The following DSE variants were observed in gnomAD, a reference collection of about 807,000 sequenced individuals.
DSE encodes the protein dermatan sulfate epimerase, also known as dermatan-sulfate epimerase.
A neutral mutation model predicts 84.4 loss-of-function variants in DSE; 36 were observed. That is an observed-to-expected ratio of 0.43 (90% CI 0.33 to 0.56). DSE has a LOEUF of 0.56. Ranked by LOEUF, DSE falls within the 20% of genes least tolerant of loss-of-function variation. DSE has a pLI of 0.06. For synonymous variants in DSE, 410 were observed against 430.1 expected, an observed-to-expected ratio of 0.95 and a Z score of 0.58; for missense variants, 862 against 1,169.6, an observed-to-expected ratio of 0.74 and a Z score of 3.84.
intron 2 of DSE, among the ~76,000 whole-genome samples, chr6:116,343,365 C>A (rs954770631): frequency 1.3e-5 from 2 of 152,196 alleles, no homozygotes. Flanking sequence ...GTCCCTGACC[C>A]CCAAGTAGCC....
At chr6:116,326,889 C>T (rs1481784358) in intron 2 of DSE, among the ~76,000 whole-genome samples, 1 of 152,034 alleles carries the variant, frequency 6.6e-6, no homozygotes, top group Non-Finnish European at 1.5e-5. Flanking sequence ...GAGGGAATGC[C>T]TAAGTTAAAA....
At chr6:116,268,097 A>G (rs1022532329) in intron 2 of DSE, among the ~76,000 whole-genome samples, 4 of 152,196 alleles carry the variant, frequency 2.6e-5, no homozygotes, top group Non-Finnish European at 5.9e-5. Context: ...CCACTCACTC[A>G]CTGACTCACC....
intron 2 of DSE, among the ~76,000 whole-genome samples, chr6:116,409,087 T>A (rs1283018123): frequency 6.6e-6 from 1 of 152,166 alleles, no homozygotes; most frequent in African/African-American, 2.4e-5. Context: ...GGGATATATA[T>A]GATATATACT....
At chr6:116,390,978 G>T (rs769237020) in intron 1 of DSE, among the ~76,000 whole-genome samples, 1 of 152,180 alleles carries the variant, frequency 6.6e-6, no homozygotes, top group African/African-American at 2.4e-5. Flanking sequence ...ACTAAATTAT[G>T]AATTTAGTTA....
At chr6:116,379,382 GAACATTGA>G (rs1351861332) in intron 1 of DSE, among the ~76,000 whole-genome samples, 2 of 152,102 alleles carry the variant, frequency 1.3e-5, no homozygotes, top group Non-Finnish European at 2.9e-5. Flanking sequence ...TGATTCTTGG[GAACATTGA>G]AAACCTCCAA....
chr6:116,294,318 T>C (rs777728928), intron 2 of DSE, among the ~76,000 whole-genome samples: 2 of 152,186 alleles, frequency 1.3e-5, no homozygotes, highest in Non-Finnish European at 2.9e-5. Context: ...CCACTGTGCC[T>C]GGCCAAAAAT....
intron 2 of DSE, chr6:116,259,059 G>A (rs1343351033): frequency 1.9e-6 from 3 of 1,551,098 alleles, no homozygotes; most frequent in African/African-American, 2.7e-5. Flanking sequence ...ACTTCCCAAA[G>A]AGCTTGATGT....
At chr6:116,287,846 C>T (rs1774021209) in intron 2 of DSE, among the ~76,000 whole-genome samples, 1 of 152,078 alleles carries the variant, frequency 6.6e-6, no homozygotes, top group Non-Finnish European at 1.5e-5. Context: ...TTAAATACTG[C>T]TAGGCATGTC....
intron 2 of DSE, among the ~76,000 whole-genome samples, chr6:116,351,524 T>G (rs1257264539): frequency 6.6e-6 from 1 of 152,216 alleles, no homozygotes; most frequent in Non-Finnish European, 1.5e-5. Context: ...ATATCACAAC[T>G]ACATTCTATT....
At chr6:116,347,863 C>T (rs569969433) in intron 2 of DSE, among the ~76,000 whole-genome samples, 1 of 152,306 alleles carries the variant, frequency 6.6e-6, no homozygotes, top group East Asian at 1.9e-4. Flanking sequence ...AGGCAACCTA[C>T]ACAATGGGAG....
chr6:116,361,535 A>AC (rs1379148196), intron 2 of DSE, among the ~76,000 whole-genome samples: 3 of 152,168 alleles, frequency 2.0e-5, no homozygotes, highest in African/African-American at 7.2e-5. Flanking sequence ...GCACATCTAC[A>AC]GTCCCAGCTG....
intron 2 of DSE, among the ~76,000 whole-genome samples, chr6:116,289,331 ATTTG>A (rs992037276): frequency 7.2e-5 from 11 of 152,166 alleles, no homozygotes; most frequent in Middle Eastern, 3.4e-3. Flanking sequence ...AATCATAGTG[ATTTG>A]TTTGTTACTA....
chr6:116,322,247 G>A (rs141693876), intron 2 of DSE, among the ~76,000 whole-genome samples: 1 of 152,136 alleles, frequency 6.6e-6, no homozygotes, highest in Admixed American at 6.5e-5. Flanking sequence ...TTAGGTCGGG[G>A]TCGATCTTTA....
Position 116,429,967 on chromosome 6 carries a change from A to AG in DSE, c.671-987_671-986insG, listed in dbSNP as rs1783714724. On this transcript the variant is annotated intron_variant, in intron 3 of 5. Coordinates refer to ENST00000644252, the MANE Select transcript of DSE (RefSeq NM_013352.4). Reference sequence around the variant, plus strand: ...ACTCCGTCTCAAAAAAAAAAAAAAAAAAAGAAATATGAGGAGTTGTTATTG... The same window carrying AG: ...ACTCCGTCTCAAAAAAAAAAAAAAAAGAAAGAAATATGAGGAGTTGTTATTG... Among the ~76,000 whole-genome samples, 4 of 14,072 alleles carry AG rather than the reference A, an allele frequency of 2.8e-4. 2 individuals carry two copies. Among genetic ancestry groups the AG allele is most frequent in the South Asian group, 1.7e-3 (2 of 1,208 alleles). 9.2% of individuals were successfully genotyped at this position (14,072 alleles called of 152,430 possible). A position where few individuals can be genotyped will look rare whatever the true frequency, so the allele number is the denominator to read the frequency against.
chr6:116,298,899 A>G (rs1774824804), intron 2 of DSE, among the ~76,000 whole-genome samples: 1 of 152,180 alleles, frequency 6.6e-6, no homozygotes, highest in Admixed American at 6.6e-5. Context: ...TAACTCCTAA[A>G]TAAAAAATCG....
At chr6:116,329,367 C>T (rs989207644) in intron 2 of DSE, among the ~76,000 whole-genome samples, 55 of 152,162 alleles carry the variant, frequency 3.6e-4, no homozygotes, top group African/African-American at 1.2e-3. Flanking sequence ...AATTCACAAT[C>T]ATTACAAGCT....
At chr6:116,319,983 T>A (rs899275110) in intron 2 of DSE, among the ~76,000 whole-genome samples, 1 of 152,232 alleles carries the variant, frequency 6.6e-6, no homozygotes, top group Non-Finnish European at 1.5e-5. Flanking sequence ...AAAGATCCCC[T>A]TTTATGTGTT....
intron 2 of DSE, among the ~76,000 whole-genome samples, chr6:116,414,476 G>A (rs1475092603): frequency 4.0e-5 from 6 of 151,786 alleles, no homozygotes; most frequent in East Asian, 1.9e-4. Flanking sequence ...GCAATGGCCC[G>A]ATCTCAGCTC....
At chr6:116,395,677 A>G (rs1024937571) in intron 1 of DSE, among the ~76,000 whole-genome samples, 4 of 152,248 alleles carry the variant, frequency 2.6e-5, no homozygotes, top group Non-Finnish European at 4.4e-5. Flanking sequence ...GCACATTAAA[A>G]TAAGTACGTA....
Sources: allele counts gnomAD v4.1 joint callset (sites outside exome capture counted in the v4.1 genomes callset), GRCh38; gene constraint gnomAD v4.1.1; transcripts MANE v1.5; gene names NCBI Gene and HGNC (gene_info 2026-07-23, HGNC 2026-07-21).